GIMAP8: variants seen among roughly 807,000 people sequenced by gnomAD.
GIMAP8 encodes GTPase, IMAP family member 8.
A neutral mutation model predicts 35.6 loss-of-function variants in GIMAP8; 29 were observed. The ratio of observed to expected loss-of-function variants is 0.81; its 90% CI spans 0.61 to 1.11. The LOEUF (loss-of-function observed/expected upper bound fraction) is 1.11, where lower values mean the gene tolerates loss of function less well. Ranked by LOEUF, GIMAP8 falls within the 50% of genes most tolerant of loss-of-function variation. The probability of loss-of-function intolerance (pLI) is 0.00; values close to 1 mark genes in which losing one functional copy is unlikely to be tolerated. For missense variants in GIMAP8, 811 were observed against 805.0 expected, an observed-to-expected ratio of 1.01 and a Z score of -0.09; for synonymous variants, 335 against 308.7, an observed-to-expected ratio of 1.09 and a Z score of -0.89.
intron 1 of GIMAP8, among the ~76,000 whole-genome samples, chr7:150,459,048 T>C (rs556445236): frequency 4.6e-4 from 70 of 152,334 alleles, no homozygotes; most frequent in African/African-American, 1.7e-3. Flanking sequence ...TGGTTCTTTA[T>C]CTGGGGAGGT....
rs1247078919 is a variant in GIMAP8 at position 150,477,185 on chromosome 7, T to C, written c.1403T>C (p.Leu468Pro). The C allele has an allele frequency of 5.0e-6, 8 of 1,613,998 alleles. No homozygotes were observed. In the South Asian group the frequency reaches 7.7e-5, roughly 16 times the overall value. ...ILGSLVFTSR[L>P]RAQPVTKTSQ... ...GGGAGCCTCGTCTTCACCTCTCGGC[T>C]CCGGGCCCAGCCAGTCACCAAGACC... The change falls in exon 5 of 5, where the codon CTC (leucine) becomes CCC (proline). Residue 468 changes from leucine (L) to proline (P), a missense_variant. By Grantham distance (98) the Leu-to-Pro change is moderately conservative (BLOSUM62 -3). Coordinates refer to ENST00000307271, the MANE Select transcript of GIMAP8 (RefSeq NM_175571.4).
chr7:150,467,413 T>A (rs886139450), intron 2 of GIMAP8, 79 bp downstream of exon 2: 5 of 1,116,336 alleles, frequency 4.5e-6, no homozygotes, highest in Non-Finnish European at 6.5e-6. Flanking sequence ...ATAAATGAAA[T>A]ATTGCATTGT....
Position 150,455,564 on chromosome 7 carries a change from T to C in GIMAP8, c.-29+4389T>C, listed in dbSNP as rs149866078. On this transcript the variant is annotated intron_variant, in intron 1 of 4. Coordinates refer to ENST00000307271, the MANE Select transcript of GIMAP8 (RefSeq NM_175571.4). ...TCTGATAGAATCATTGGAGGAATCATGGACTATTTAGTAAATGGTGCTGGG... is the reference window on the plus strand; with the variant it reads ...TCTGATAGAATCATTGGAGGAATCACGGACTATTTAGTAAATGGTGCTGGG... 1.9e-4 allele frequency among the ~76,000 whole-genome samples: 29 copies of C among 152,348 alleles called. No homozygotes were observed. The East Asian group carries it at 2.1e-3, about 11-fold the overall frequency.
chr7:150,458,176 T>C (rs969554688), intron 1 of GIMAP8, among the ~76,000 whole-genome samples: 10 of 152,132 alleles, frequency 6.6e-5, no homozygotes, highest in Non-Finnish European at 1.5e-4. Flanking sequence ...AAGATACTTA[T>C]TTGAGGAATT....
chr7:150,474,568 C>G lies in GIMAP8; in HGVS notation c.1239C>G (p.Asp413Glu), dbSNP rs190925921. 6.2e-7 allele frequency: 1 copy of G among 1,613,006 alleles called. No individual in the cohort carries two copies. The highest frequency in any genetic ancestry group is 1.7e-5 in the Admixed American group (1 of 59,834). Residue 413 changes from aspartate (D) to glutamate (E), a missense_variant, in exon 4 of 5, where the codon GAC becomes GAG. Transcript: ENST00000307271. ...GAGAAGAAGAGCAAAGGCAGGCGGA[C>G]GAGCTCCTGGAAAAAATTGAGAGCA... Reference protein sequence around the residue: ...ATGEEEQRQADELLEKIESMV... With the variant: ...ATGEEEQRQAEELLEKIESMV...
At chr7:150,466,176 T>G (rs1352359448) in intron 1 of GIMAP8, among the ~76,000 whole-genome samples, 2 of 152,224 alleles carry the variant, frequency 1.3e-5, no homozygotes, top group Admixed American at 6.5e-5. Flanking sequence ...GCTTGTATGC[T>G]CTAGACATTT....
At chr7:150,464,261 C>G (rs1261505198) in intron 1 of GIMAP8, among the ~76,000 whole-genome samples, 1 of 152,142 alleles carries the variant, frequency 6.6e-6, no homozygotes, top group East Asian at 1.9e-4. Flanking sequence ...TTGTAGACGG[C>G]AGATCATTTT....
intron 1 of GIMAP8, 49 bp from the exon 2 acceptor site, chr7:150,466,622 C>A: frequency 2.0e-6 from 3 of 1,477,686 alleles, no homozygotes; most frequent in Admixed American, 2.0e-5. Context: ...TTTTCCTGTC[C>A]ACTCTGTGTG....
At chr7:150,475,418 G>A (rs944789521) in intron 4 of GIMAP8, among the ~76,000 whole-genome samples, 9 of 152,130 alleles carry the variant, frequency 5.9e-5, no homozygotes, top group Non-Finnish European at 5.9e-5. Context: ...CTCTTGAACC[G>A]GTCTTTAATT....
In GIMAP8 at chr7:150,477,460, G is replaced by A. The variant is rs759430794; in HGVS notation, c.1678G>A (p.Ala560Thr). Reference protein sequence around the residue: ...AIFGADFTKYAIMLFTRKEDL... With the variant: ...AIFGADFTKYTIMLFTRKEDL... ...CTTTGGAGCAGACTTTACGAAATAC[G>A]CGATTATGCTGTTCACCCGGAAGGA... Residue 560 changes from alanine to threonine, a missense_variant, in exon 5 of 5, where the codon GCG (alanine) becomes ACG (threonine). Transcript: ENST00000307271. 9.9e-6 allele frequency: 16 copies of A among 1,613,590 alleles called. No individual in the cohort carries two copies. Among genetic ancestry groups the A allele is most frequent in the Middle Eastern group, 1.6e-4 (1 of 6,084 alleles).
Position 150,466,985 on chromosome 7 carries a change from C to T in GIMAP8, c.287C>T (p.Ala96Val). 3 of 1,614,232 alleles carry T rather than the reference C, an allele frequency of 1.9e-6. No individual in the cohort carries two copies. Among genetic ancestry groups the T allele is most frequent in the Non-Finnish European group, 2.5e-6 (3 of 1,180,040 alleles). ...CLELSAPSLHALLLVIAIGHF... is the reference protein window; with the variant it reads ...CLELSAPSLHVLLLVIAIGHF... ...GAGCTCTCTGCTCCCAGCCTCCATG[C>T]TCTGCTCTTGGTAATTGCCATCGGC... The change falls in exon 2 of 5, where the codon GCT (alanine) becomes GTT (valine). Residue 96 changes from alanine (A) to valine (V), a missense_variant. Ala to Val is a moderately conservative substitution (Grantham distance 64, BLOSUM62 0). Transcript: ENST00000307271.
At chr7:150,463,070 C>A (rs1801874105) in intron 1 of GIMAP8, among the ~76,000 whole-genome samples, 1 of 151,996 alleles carries the variant, frequency 6.6e-6, no homozygotes, top group South Asian at 2.1e-4. Flanking sequence ...TTTTAAAAGA[C>A]CTGCCTTCAA....
At position 150,466,989 on chromosome 7, in the gene GIMAP8, G is replaced by A; in HGVS notation, c.291G>A (p.Leu97=). ...TCTCTGCTCCCAGCCTCCATGCTCT[G>A]CTCTTGGTAATTGCCATCGGCCATT... The part of the protein sequence containing the change: ...LELSAPSLHA[L]LLVIAIGHFT... Residue 97 remains leucine (L), a synonymous_variant, in exon 2 of 5, where the codon CTG becomes CTA. Transcript: ENST00000307271. 1 of 1,614,222 alleles carries A rather than the reference G, an allele frequency of 6.2e-7. No individual in the cohort carries two copies. The highest frequency in any genetic ancestry group is 1.3e-5 in the African/African-American group (1 of 75,058).
In GIMAP8 at chr7:150,474,012, G is replaced by C; in HGVS notation, c.683G>C (p.Gly228Ala). 1 of 1,610,974 alleles carries C rather than the reference G, an allele frequency of 6.2e-7. No homozygotes were observed. Among genetic ancestry groups the C allele is most frequent in the Non-Finnish European group, 8.5e-7 (1 of 1,178,524 alleles). The change falls in exon 4 of 5, where the codon GGC becomes GCC. Residue 228 changes from glycine (G) to alanine (A), a missense_variant and splice_region_variant. Gly to Ala is a moderately conservative substitution (Grantham distance 60). Transcript: ENST00000307271. ...CTGAACCTGTCCATTTGTCCCACAG[G>C]CCCAAGGGAAAGGCAGCTGCAGTCC... is the stretch of plus-strand genomic sequence containing the variant. ...AASQEGDKPQ[G>A]PRERQLQSTG...
chr7:150,452,709 T>TATATATATATATATATATATATATACAC (rs1373884339), intron 1 of GIMAP8, among the ~76,000 whole-genome samples: 1 of 106,632 alleles, frequency 9.4e-6, no homozygotes, highest in East Asian at 4.0e-4. Flanking sequence ...TATATATATA[T>TATATATATATATATATATATATATACAC]ACATGCGAGT....
chr7:150,465,250 T>C (rs770985909), intron 1 of GIMAP8, among the ~76,000 whole-genome samples: 13 of 152,106 alleles, frequency 8.5e-5, no homozygotes, highest in African/African-American at 2.2e-4. Context: ...GAAGCTTTCA[T>C]AGGGAGAGCC....
intron 2 of GIMAP8, among the ~76,000 whole-genome samples, chr7:150,468,956 GTCTCTTCCTT>G: frequency 6.6e-6 from 1 of 152,122 alleles, no homozygotes; most frequent in African/African-American, 2.4e-5. Context: ...GTGACAATCT[GTCTCTTCCTT>G]GAGGGCTGCA....
Position 150,473,901 on chromosome 7 carries a change from G to A in GIMAP8, c.683-111G>A, listed in dbSNP as rs555881042. 2.8e-4 allele frequency: 309 copies of A among 1,107,888 alleles called. 1 individual carries two copies. In the African/African-American group the frequency reaches 3.9e-3, roughly 14 times the overall value. The allele number at this position is 1,107,888 out of a possible 1,614,324, so 68.6% of individuals were successfully genotyped here. Reference sequence around the variant, plus strand: ...GAGAGTAGAGTTCTACTGGTTTACCGTGTTGTTGCCATTCTCTATACAAGT... The same window carrying A: ...GAGAGTAGAGTTCTACTGGTTTACCATGTTGTTGCCATTCTCTATACAAGT... On this transcript the variant is annotated intron_variant, in intron 3 of 4. Coordinates refer to ENST00000307271, the MANE Select transcript of GIMAP8 (RefSeq NM_175571.4).
At chr7:150,454,486 A>G (rs1248398369) in intron 1 of GIMAP8, among the ~76,000 whole-genome samples, 1 of 152,148 alleles carries the variant, frequency 6.6e-6, no homozygotes, top group Non-Finnish European at 1.5e-5. Context: ...GGGCTAAGTG[A>G]TGGAGAATGG....
Sources: gnomAD v4.1 joint callset for allele counts (sites outside exome capture counted in the v4.1 genomes callset) on GRCh38, gnomAD v4.1.1 for gene constraint, MANE v1.5 for transcripts, NCBI Gene and HGNC (gene_info 2026-07-23, HGNC 2026-07-21) for gene names.